The following IAPP variants were observed in gnomAD, a reference collection of about 807,000 sequenced individuals.
IAPP encodes islet amyloid polypeptide.
IAPP carries 4 observed loss-of-function variants against 2.9 expected under a neutral mutation model. The observed-to-expected ratio is 1.39, with a 90% confidence interval of 0.69 to 3.19. The LOEUF (loss-of-function observed/expected upper bound fraction) is 3.19, where lower values mean the gene tolerates loss of function less well. Ranked by LOEUF, IAPP falls within the 30% of genes most tolerant of loss-of-function variation. The pLI, the probability that IAPP is intolerant of heterozygous loss-of-function variation, is 0.01. For missense variants in IAPP, 114 were observed against 105.3 expected (o/e 1.08, Z -0.36); for synonymous variants, 40 against 42.1 (o/e 0.95, Z 0.19).
intron 2 of IAPP, among the ~76,000 whole-genome samples, chr12:21,374,979 A>G (rs558305251): frequency 3.9e-5 from 6 of 152,028 alleles, no homozygotes; most frequent in South Asian, 2.1e-4. Context: ...ATACCCAGCT[A>G]ATTGTTTTAT....
intron 1 of IAPP, 163 bp from the exon 2 acceptor site, chr12:21,373,174 T>C (rs1939923264): frequency 1.6e-6 from 1 of 613,008 alleles, no homozygotes; most frequent in Non-Finnish European, 2.9e-6. Context: ...CGAAATTACT[T>C]GAAAAGTGGA....
intron 1 of IAPP, among the ~76,000 whole-genome samples, chr12:21,364,488 A>C (rs958272325): frequency 1.3e-5 from 2 of 152,216 alleles, no homozygotes; most frequent in Non-Finnish European, 2.9e-5. Flanking sequence ...AAATGGGCAC[A>C]AGATAGGGAT....
chr12:21,356,619 T>G (rs1938388696), intron 1 of IAPP, among the ~76,000 whole-genome samples: 1 of 152,104 alleles, frequency 6.6e-6, no homozygotes, highest in South Asian at 2.1e-4. Flanking sequence ...TTAAATATAC[T>G]AAAGGGAACA....
chr12:21,360,810 G>C (rs532415074), intron 1 of IAPP, among the ~76,000 whole-genome samples: 1 of 152,318 alleles, frequency 6.6e-6, no homozygotes, highest in East Asian at 1.9e-4. Flanking sequence ...GTCTGAGATG[G>C]AACTGCAAGG....
At chr12:21,368,208 A>T (rs73080814), upstream of IAPP, among the ~76,000 whole-genome samples, 6,758 of 152,270 alleles carry the variant, frequency 0.044, 215 homozygotes, top group Middle Eastern at 0.12. Flanking sequence ...TCTTACCAAA[A>T]TAATGGAAGC....
chr12:21,373,146 T>C (rs1343925891), intron 1 of IAPP, 142 bp downstream of exon 1: 10 of 592,288 alleles, frequency 1.7e-5, no homozygotes, highest in Non-Finnish European at 3.0e-5. Flanking sequence ...GAGAAGGAAA[T>C]TGGGAAAGTA....
intron 1 of IAPP, among the ~76,000 whole-genome samples, chr12:21,361,676 A>C (rs12823714): frequency 2.6e-5 from 4 of 151,874 alleles, no homozygotes; most frequent in East Asian, 1.9e-4. Context: ...GTGTAGAGAA[A>C]AGACAGTGTA....
intron 1 of IAPP, among the ~76,000 whole-genome samples, chr12:21,356,153 C>T (rs916899990): frequency 4.6e-5 from 7 of 151,984 alleles, no homozygotes; most frequent in Non-Finnish European, 1.0e-4. Flanking sequence ...GAGTATGTTA[C>T]TACCGTCTCT....
intron 2 of IAPP, chr12:21,373,743 T>TG (rs1489739140): frequency 1.4e-6 from 1 of 700,790 alleles, no homozygotes; most frequent in Non-Finnish European, 2.6e-6. Flanking sequence ...GGTAGTAATT[T>TG]CTTCTATATT....
chr12:21,364,257 A>C (rs1939186998), intron 1 of IAPP, among the ~76,000 whole-genome samples: 1 of 152,232 alleles, frequency 6.6e-6, no homozygotes, highest in Non-Finnish European at 1.5e-5. Context: ...GCAAATCAAT[A>C]AACATAATCC....
rs984441577 is a variant in IAPP at position 21,379,351 on chromosome 12, A to T, written c.*925A>T. ...TGTGTGTTAGCAGCAGTGAGCTTCT[A>T]TTAAATGTATATGTCATTTATTTTG... On this transcript the variant is annotated 3_prime_UTR_variant, in exon 3 of 3. Coordinates refer to ENST00000240652, the MANE Select transcript of IAPP (RefSeq NM_000415.3). 1 of 152,234 alleles carries T rather than the reference A, an allele frequency of 6.6e-6. No homozygotes were observed. Among genetic ancestry groups the T allele is most frequent in the East Asian group, 1.9e-4 (1 of 5,194 alleles). 9.4% of individuals were successfully genotyped at this position (152,234 alleles called of 1,614,324 possible). A position where few individuals can be genotyped will look rare whatever the true frequency, so the allele number is the denominator to read the frequency against.
In IAPP at chr12:21,378,483, T is replaced by A; in HGVS notation, c.*57T>A. 1 of 1,402,160 alleles carries A rather than the reference T, an allele frequency of 7.1e-7. No individual in the cohort carries two copies. The highest frequency in any genetic ancestry group is 1.0e-6 in the Non-Finnish European group (1 of 987,394). 86.9% of individuals were successfully genotyped at this position (1,402,160 alleles called of 1,614,324 possible). ...TGTTCTAGTGATTTCCTGTATAATT[T>A]AACAGTGCCCTTTTCATCTCCAGTG... On this transcript the variant is annotated 3_prime_UTR_variant, in exon 3 of 3. Coordinates refer to ENST00000240652, the MANE Select transcript of IAPP (RefSeq NM_000415.3).
intron 1 of IAPP, among the ~76,000 whole-genome samples, chr12:21,365,354 C>A (rs1376122354): frequency 1.3e-5 from 2 of 152,182 alleles, no homozygotes; most frequent in Non-Finnish European, 2.9e-5. Context: ...ATGTAGAAAG[C>A]TGAAACTGGA....
upstream of IAPP, among the ~76,000 whole-genome samples, chr12:21,371,587 G>A (rs560209488): frequency 6.6e-6 from 1 of 152,188 alleles, no homozygotes; most frequent in East Asian, 1.9e-4. Flanking sequence ...TCTAGTTAGA[G>A]AACTTCAATT....
intron 2 of IAPP, among the ~76,000 whole-genome samples, chr12:21,374,782 T>C (rs1940068588): frequency 6.6e-6 from 1 of 151,966 alleles, no homozygotes; most frequent in Non-Finnish European, 1.5e-5. Context: ...ACTAAGCACT[T>C]TTACCCTCTC....
intron 1 of IAPP, among the ~76,000 whole-genome samples, chr12:21,363,752 G>C (rs59175898): frequency 0.14 from 21,336 of 152,122 alleles, 1,610 homozygotes; most frequent in Middle Eastern, 0.2. Context: ...ACTACTATCA[G>C]AGAATACTAT....
At chr12:21,378,078 A>T (rs184936798) in intron 2 of IAPP, among the ~76,000 whole-genome samples, 159 bp from the exon 3 acceptor site, 172 of 152,346 alleles carry the variant, frequency 1.1e-3, no homozygotes, top group African/African-American at 4.0e-3. Context: ...TGTCAAAAAA[A>T]AATCTCAGCC....
chr12:21,355,052 A>C (rs1181555198), intron 1 of IAPP: 1 of 152,192 alleles, frequency 6.6e-6, no homozygotes, highest in Non-Finnish European at 1.5e-5. Context: ...TCAAAAATAC[A>C]CTAAATCACT....
intron 1 of IAPP, among the ~76,000 whole-genome samples, chr12:21,358,384 C>T (rs148374885): frequency 9.2e-5 from 14 of 152,210 alleles, no homozygotes; most frequent in African/African-American, 3.1e-4. Flanking sequence ...TATTTTTCCT[C>T]TCCAAAAAAT....
Sources: gnomAD v4.1 joint callset for allele counts (sites outside exome capture counted in the v4.1 genomes callset) on GRCh38, gnomAD v4.1.1 for gene constraint, MANE v1.5 for transcripts, NCBI Gene and HGNC (gene_info 2026-07-23, HGNC 2026-07-21) for gene names.